ZNF564: variants seen among roughly 807,000 people sequenced by gnomAD.
ZNF564 encodes zinc finger protein 564.
Under a neutral mutation model 10.5 loss-of-function variants are expected in ZNF564, and 5 were observed. The ratio of observed to expected loss-of-function variants is 0.48; its 90% confidence interval spans 0.25 to 1.00. The LOEUF (loss-of-function observed/expected upper bound fraction) is 1.00, where lower values mean the gene tolerates loss of function less well. Ranked by LOEUF, ZNF564 falls within the 50% of genes least tolerant of loss-of-function variation. The probability of loss-of-function intolerance (pLI) is 0.16; values close to 1 mark genes in which losing one functional copy is unlikely to be tolerated. For missense variants in ZNF564, 603 were observed against 669.7 expected (o/e 0.90, Z 1.10); for synonymous variants, 242 against 218.1 (o/e 1.11, Z -0.97).
chr19:12,542,270 C>T (rs1481879601), intron 1 of ZNF564, among the ~76,000 whole-genome samples: 3 of 128,094 alleles, frequency 2.3e-5, no homozygotes, highest in Non-Finnish European at 4.7e-5. Flanking sequence ...GATCACGGCA[C>T]TACACTCCAG....
intron 1 of ZNF564, 101 bp downstream of exon 1, chr19:12,551,229 T>C (rs1167754948): frequency 1.2e-5 from 16 of 1,371,402 alleles, no homozygotes; most frequent in Middle Eastern, 2.2e-4. Context: ...TCCCAGACCC[T>C]GGAGTCGCTG....
intron 1 of ZNF564, among the ~76,000 whole-genome samples, chr19:12,545,873 T>C (rs2022142319): frequency 6.6e-6 from 1 of 152,150 alleles, no homozygotes; most frequent in Non-Finnish European, 1.5e-5. Context: ...CTCCACTCTT[T>C]CCTGGGGTAG....
At chr19:12,545,344 T>A (rs1036228165) in intron 1 of ZNF564, among the ~76,000 whole-genome samples, 1 of 151,742 alleles carries the variant, frequency 6.6e-6, no homozygotes, top group African/African-American at 2.4e-5. Context: ...CCTCATGATG[T>A]GATTCACGGT....
rs543197021 is a variant in ZNF564 at position 12,527,870 on chromosome 19, A to C, written c.238T>G (p.Cys80Gly). The part of the protein sequence containing the change: ...GLSESKEYDQ[C>G]GEAFSQILNL... ...AGAATCTGACTGAAGGCTTCTCCAC[A>C]TTGATCATATTCTTTACTTTCACTG... Residue 80 changes from cysteine to glycine, a missense_variant, in exon 4 of 4, where the codon TGT (cysteine) becomes GGT (glycine). Cys to Gly is a radical substitution (Grantham distance 159). Transcript: ENST00000339282. 91 of 1,613,044 alleles carry C rather than the reference A, an allele frequency of 5.6e-5. No individual in the cohort carries two copies. The highest frequency in any genetic ancestry group is 7.5e-5 in the Non-Finnish European group (89 of 1,179,454).
intron 1 of ZNF564, among the ~76,000 whole-genome samples, chr19:12,544,378 T>C (rs1228931131): frequency 1.3e-5 from 2 of 152,178 alleles, no homozygotes; most frequent in East Asian, 1.9e-4. Context: ...GAATTCAGTG[T>C]AGAGCTGTCT....
rs1404401123 is a variant in ZNF564 at position 12,527,578 on chromosome 19, G to C, written c.530C>G (p.Ala177Gly). The change falls in exon 4 of 4, where the codon GCC becomes GGC. Residue 177 changes from alanine to glycine, a missense_variant. Physicochemically the swap from Ala to Gly is moderately conservative, Grantham distance 60 (BLOSUM62 0). Coordinates refer to ENST00000339282, the MANE Select transcript of ZNF564 (RefSeq NM_144976.4). The part of the protein sequence containing the change: ...KPYACPECGK[A>G]FISLPSVRRH... ...TCGAACACTTGGGAGAGAAATGAAG[G>C]CTTTCCCACATTCCGGACATGCATA... 4 of 1,614,162 alleles carry C rather than the reference G, an allele frequency of 2.5e-6. No homozygotes were observed. Among genetic ancestry groups the C allele is most frequent in the Non-Finnish European group, 2.5e-6 (3 of 1,180,020 alleles).
At chr19:12,548,492 G>A (rs2022194587) in intron 1 of ZNF564, among the ~76,000 whole-genome samples, 1 of 152,156 alleles carries the variant, frequency 6.6e-6, no homozygotes, top group Admixed American at 6.5e-5. Context: ...TGGGATTAAA[G>A]GCGTGAGCCA....
At chr19:12,548,769 A>G (rs1222504532) in intron 1 of ZNF564, 8 of 700,752 alleles carry the variant, frequency 1.1e-5, no homozygotes, top group Non-Finnish European at 1.6e-5. Flanking sequence ...AATATTTAAT[A>G]TTTCAAAGTC....
rs756911734 is a variant in ZNF564, at chr19:12,526,887, T to C, written c.1221A>G (p.Ser407=). ...TGTGAGTTCTTTCGTGTATTTGAAATGAACTGGGACAGTCAAAGGCTCTAC... is the reference window on the plus strand; with the variant it reads ...TGTGAGTTCTTTCGTGTATTTGAAACGAACTGGGACAGTCAAAGGCTCTAC... The part of the protein sequence containing the change: ...VCGRAFDCPS[S]FQIHERTHTG... The change falls in exon 4 of 4, where the codon TCA becomes TCG. Residue 407 remains serine, a synonymous_variant. Transcript: ENST00000339282. 4 of 1,610,868 alleles carry C rather than the reference T, an allele frequency of 2.5e-6. No individual in the cohort carries two copies. Among genetic ancestry groups the C allele is most frequent in the Non-Finnish European group, 2.5e-6 (3 of 1,179,070 alleles).
At chr19:12,539,950 C>T (rs1316701101) in intron 1 of ZNF564, among the ~76,000 whole-genome samples, 3 of 149,102 alleles carry the variant, frequency 2.0e-5, no homozygotes, top group African/African-American at 7.4e-5. Flanking sequence ...CACTGCACTC[C>T]AGCCTGGGTA....
Position 12,551,370 on chromosome 19 carries a change from G to T in ZNF564, c.-38C>A. The T allele has an allele frequency of 6.3e-7, 1 of 1,589,124 alleles. No homozygotes were observed. ...AGGGTGTCCCGGGGTCCTGCCTACG[G>T]CTCTCTCCGGCCTGTGCAGGTCCCA... On this transcript the variant is annotated 5_prime_UTR_variant, in exon 1 of 4. Coordinates refer to ENST00000339282, the MANE Select transcript of ZNF564 (RefSeq NM_144976.4).
chr19:12,548,748 T>C (rs1005705480), intron 1 of ZNF564: 6 of 699,106 alleles, frequency 8.6e-6, no homozygotes, highest in Non-Finnish European at 1.6e-5. Context: ...TTTACTAATA[T>C]TTAATTCACT....
intron 1 of ZNF564, among the ~76,000 whole-genome samples, chr19:12,534,087 T>G (rs2021861382): frequency 6.6e-6 from 1 of 152,180 alleles, no homozygotes; most frequent in Admixed American, 6.5e-5. Context: ...ATGAGGAACC[T>G]GCAGCTAACA....
At chr19:12,550,471 CA>C (rs2145102306) in intron 1 of ZNF564, 1 of 260,998 alleles carries the variant, frequency 3.8e-6, no homozygotes, top group East Asian at 1.6e-4. Context: ...ACCTGGCCAA[CA>C]TGGAGAAACC....
At chr19:12,542,459 C>T (rs1441381529) in intron 1 of ZNF564, among the ~76,000 whole-genome samples, 2 of 151,696 alleles carry the variant, frequency 1.3e-5, no homozygotes, top group East Asian at 3.9e-4. Context: ...GAAACCTCAA[C>T]CAAAATTAAA....
Position 12,526,258 on chromosome 19 carries a change from C to A in ZNF564, c.*188G>T. 1 of 555,326 alleles carries A rather than the reference C, an allele frequency of 1.8e-6. No individual in the cohort carries two copies. Among genetic ancestry groups the A allele is most frequent in the Non-Finnish European group, 3.0e-6 (1 of 329,334 alleles). 34.4% of individuals were successfully genotyped at this position (555,326 alleles called of 1,614,324 possible). On this transcript the variant is annotated 3_prime_UTR_variant, in exon 4 of 4. Transcript: ENST00000339282. ...CTGAGGCAAAATTCTTCTTCAGCTCCGAACCGGTGAAAACCAAACTAGTCA... is the reference window on the plus strand; with the variant it reads ...CTGAGGCAAAATTCTTCTTCAGCTCAGAACCGGTGAAAACCAAACTAGTCA...
intron 1 of ZNF564, among the ~76,000 whole-genome samples, chr19:12,542,288 A>G: frequency 7.2e-6 from 1 of 138,000 alleles, no homozygotes; most frequent in Admixed American, 7.3e-5. Context: ...CAGCCTGGGT[A>G]ACAGAGTGAG....
intron 1 of ZNF564, among the ~76,000 whole-genome samples, chr19:12,545,901 A>C (rs1034624801): frequency 1.3e-5 from 2 of 152,170 alleles, no homozygotes; most frequent in African/African-American, 4.8e-5. Flanking sequence ...AGCTTAAAGC[A>C]ACAACCCTCT....
chr19:12,536,465 C>T (rs980930502), intron 1 of ZNF564, among the ~76,000 whole-genome samples: 1 of 152,186 alleles, frequency 6.6e-6, no homozygotes, highest in Non-Finnish European at 1.5e-5. Flanking sequence ...GCGTAAGCCA[C>T]CACGCCTGGC....
Sources: allele counts gnomAD v4.1 joint callset (sites outside exome capture counted in the v4.1 genomes callset), GRCh38; gene constraint gnomAD v4.1.1; transcripts MANE v1.5; gene names NCBI Gene and HGNC (gene_info 2026-07-23, HGNC 2026-07-21).